The following FYB1 variants were observed in gnomAD, a reference collection of about 807,000 sequenced individuals.
FYB1 encodes FYN binding protein 1.
Under a neutral mutation model 94.1 loss-of-function variants are expected in FYB1, and 41 were observed. That is an observed-to-expected ratio of 0.44 (90% CI 0.34 to 0.57). FYB1 has a LOEUF of 0.57. FYB1 is among the 20% of genes least tolerant of loss of function. The pLI is 0.02. For missense variants in FYB1, 1,050 were observed against 976.8 expected, an observed-to-expected ratio of 1.07 and a Z score of -1.00; for synonymous variants, 367 against 353.2, an observed-to-expected ratio of 1.04 and a Z score of -0.44.
At chr5:39,197,004 T>TGAGATG (rs1747893371) in intron 2 of FYB1, among the ~76,000 whole-genome samples, 1 of 152,284 alleles carries the variant, frequency 6.6e-6, no homozygotes, top group African/African-American at 2.4e-5. Flanking sequence ...GCAAAGATGA[T>TGAGATG]GAGATGGAGG....
chr5:39,268,917 A>G (rs80058395), intron 1 of FYB1, among the ~76,000 whole-genome samples: 3,382 of 152,198 alleles, frequency 0.022, 111 homozygotes, highest in African/African-American at 0.077. Context: ...CGTTACTCAT[A>G]TATTATACCA....
chr5:39,249,311 A>G (rs1751618073), intron 1 of FYB1, among the ~76,000 whole-genome samples: 1 of 152,194 alleles, frequency 6.6e-6, no homozygotes, highest in Admixed American at 6.5e-5. Context: ...GATAGTAAAT[A>G]TTTTTGGCTC....
At chr5:39,185,082 T>C (rs960374648) in intron 2 of FYB1, among the ~76,000 whole-genome samples, 7 of 152,182 alleles carry the variant, frequency 4.6e-5, no homozygotes, top group Non-Finnish European at 1.0e-4. Flanking sequence ...GAATCTAAGT[T>C]AAAATTCTCT....
intron 2 of FYB1, among the ~76,000 whole-genome samples, chr5:39,185,611 T>TATATATATACACACATATATATACAC (rs1554034799): frequency 2.2e-5 from 3 of 138,710 alleles, no homozygotes; most frequent in African/African-American, 8.9e-5. Context: ...TATATACACA[T>TATATATATACACACATATATATACAC]ATATATATAT....
chr5:39,232,586 C>CT (rs1750792487), intron 1 of FYB1, among the ~76,000 whole-genome samples: 1 of 150,184 alleles, frequency 6.7e-6, no homozygotes, highest in Non-Finnish European at 1.5e-5. Flanking sequence ...AAAAATTATA[C>CT]TTTAAGTTTT....
At chr5:39,135,519 A>G (rs746555816) in intron 7 of FYB1, among the ~76,000 whole-genome samples, 1 of 152,206 alleles carries the variant, frequency 6.6e-6, no homozygotes, top group Non-Finnish European at 1.5e-5. Flanking sequence ...AGGTTTTTCA[A>G]ATTAATATTC....
chr5:39,139,191 CTGATTA>C, intron 5 of FYB1, 36 bp downstream of exon 5: 1 of 1,419,990 alleles, frequency 7.0e-7, no homozygotes. Context: ...GTGAAATATT[CTGATTA>C]TGTCAATATA....
At chr5:39,160,442 A>G (rs1046239905) in intron 2 of FYB1, among the ~76,000 whole-genome samples, 1 of 152,174 alleles carries the variant, frequency 6.6e-6, no homozygotes, top group Non-Finnish European at 1.5e-5. Context: ...AGAATGAAGA[A>G]GTTTAAATCC....
chr5:39,202,296 G>A lies in FYB1; in HGVS notation c.665C>T (p.Ser222Leu). The A allele has an allele frequency of 6.2e-7, 1 of 1,613,864 alleles. No individual in the cohort carries two copies. The part of the protein sequence containing the change: ...DESPMKNVSS[S>L]KGSPAPLGVR... The stretch of plus-strand genomic sequence containing the variant: ...TCCCAGGGGAGCTGGGGACCCTTTT[G>A]ATGAAGACACATTCTTCATGGGGCT... The change falls in exon 2 of 19, where the codon TCA becomes TTA. Residue 222 changes from serine to leucine, a missense_variant. Ser to Leu is a moderately radical substitution (Grantham distance 145). Transcript: ENST00000512982.
At chr5:39,245,129 G>C (rs776221884) in intron 1 of FYB1, among the ~76,000 whole-genome samples, 1 of 152,024 alleles carries the variant, frequency 6.6e-6, no homozygotes, top group Non-Finnish European at 1.5e-5. Context: ...TGAGTTATGT[G>C]TCTGTTGTAC....
At chr5:39,208,236 A>T (rs539335127) in intron 1 of FYB1, among the ~76,000 whole-genome samples, 1 of 152,258 alleles carries the variant, frequency 6.6e-6, no homozygotes, top group South Asian at 2.1e-4. Flanking sequence ...CCTCCTTAAG[A>T]TATGTTTGTG....
intron 2 of FYB1, among the ~76,000 whole-genome samples, chr5:39,167,813 A>G (rs537005638): frequency 2.6e-5 from 4 of 152,350 alleles, no homozygotes; most frequent in Admixed American, 6.5e-5. Context: ...ATGTGCCTCA[A>G]TGAAGTCTTG....
rs1387136125 is a variant in FYB1, at chr5:39,134,942, T to C, written c.1588A>G (p.Ser530Gly). The C allele has an allele frequency of 6.2e-7, 1 of 1,613,840 alleles. No homozygotes were observed. The highest frequency in any genetic ancestry group is 8.5e-7 in the Non-Finnish European group (1 of 1,179,874). The change falls in exon 8 of 19, where the codon AGC becomes GGC. Residue 530 changes from serine (S) to glycine (G), a missense_variant. Transcript: ENST00000512982. ...TCAATTTGCTCTCCTTGCTTGAAGC[T>C]CAGTTCATTCTTTCCTCCTTTGACA... Reference protein sequence around the residue: ...CDVKGGKNELSFKQGEQIEII... With the variant: ...CDVKGGKNELGFKQGEQIEII...
chr5:39,236,059 A>G (rs1419274374), intron 1 of FYB1, among the ~76,000 whole-genome samples: 1 of 151,948 alleles, frequency 6.6e-6, no homozygotes. Context: ...CCAGGACCCT[A>G]TGATATCTTT....
chr5:39,115,120 G>A (rs1448216170), intron 16 of FYB1, among the ~76,000 whole-genome samples: 2 of 148,894 alleles, frequency 1.3e-5, no homozygotes, highest in Non-Finnish European at 3.0e-5. Context: ...TTTTGAGATG[G>A]CGTCTCGCTC....
intron 1 of FYB1, among the ~76,000 whole-genome samples, chr5:39,232,874 A>G (rs536360322): frequency 2.8e-4 from 42 of 152,162 alleles, no homozygotes; most frequent in African/African-American, 9.6e-4. Context: ...AATTTCATCC[A>G]TGTCCCTACA....
rs1750130174 is a variant in FYB1 at position 39,219,522 on chromosome 5, C to G, written c.-107G>C. The G allele has an allele frequency of 1.0e-6, 1 of 985,348 alleles. No homozygotes were observed. Among genetic ancestry groups the G allele is most frequent in the Non-Finnish European group, 1.2e-6 (1 of 829,960 alleles). 61.0% of individuals were successfully genotyped at this position (985,348 alleles called of 1,614,324 possible). ...GCCAGGGTCTGGGCCCTACTCACTTCTAGCTGTCGCATCTGCTCTGCATGT... is the reference window on the plus strand; with the variant it reads ...GCCAGGGTCTGGGCCCTACTCACTTGTAGCTGTCGCATCTGCTCTGCATGT... On this transcript the variant is annotated 5_prime_UTR_variant, in exon 1 of 19. An upstream open reading frame in the 5' UTR loses its in-frame stop. Transcript: ENST00000512982.
chr5:39,107,302 G>T lies in FYB1; in HGVS notation c.*141C>A, dbSNP rs959612021. The stretch of plus-strand genomic sequence containing the variant: ...TCTATGTTCAAACTTTAAACACTTT[G>T]TAAAGATAATTGGGATTTCATAACA... On this transcript the variant is annotated 3_prime_UTR_variant, in exon 19 of 19. Coordinates refer to ENST00000512982, the MANE Select transcript of FYB1 (RefSeq NM_001465.6). The T allele has an allele frequency of 1.8e-5, 9 of 502,162 alleles. No individual in the cohort carries two copies. The highest frequency in any genetic ancestry group is 2.4e-5 in the Non-Finnish European group (7 of 287,842). The allele number at this position is 502,162 out of a possible 1,614,324, so 31.1% of individuals were successfully genotyped here.
At chr5:39,242,767 A>G (rs1161770488) in intron 1 of FYB1, among the ~76,000 whole-genome samples, 12 of 152,254 alleles carry the variant, frequency 7.9e-5, no homozygotes, top group East Asian at 3.9e-4. Context: ...CAGTGTAAAA[A>G]TGTTCCTATT....
Sources: allele counts gnomAD v4.1 joint callset (sites outside exome capture counted in the v4.1 genomes callset), GRCh38; gene constraint gnomAD v4.1.1; transcripts MANE v1.5; gene names NCBI Gene and HGNC (gene_info 2026-07-23, HGNC 2026-07-21).